Variants in SLIT2 observed in about 807,000 individuals in gnomAD.
The protein encoded by SLIT2 is slit homolog 2 protein.
A neutral mutation model predicts 185.7 loss-of-function variants in SLIT2; 41 were observed. That is an observed-to-expected ratio of 0.22 (90% CI 0.17 to 0.29). The LOEUF (loss-of-function observed/expected upper bound fraction) is 0.29, where lower values mean the gene tolerates loss of function less well. SLIT2 is among the 10% of genes least tolerant of loss of function. The pLI, the probability that SLIT2 is intolerant of heterozygous loss-of-function variation, is 1.00. For missense variants in SLIT2, 1,571 were observed against 1,909.0 expected, an observed-to-expected ratio of 0.82 and a Z score of 3.30; for synonymous variants, 693 against 680.2, an observed-to-expected ratio of 1.02 and a Z score of -0.29.
At chr4:20,520,985 T>TA (rs1720789992) in intron 12 of SLIT2, among the ~76,000 whole-genome samples, 1 of 152,204 alleles carries the variant, frequency 6.6e-6, no homozygotes, top group Non-Finnish European at 1.5e-5. Context: ...TAGATGTCTG[T>TA]ACCCATTGTA....
intron 4 of SLIT2, among the ~76,000 whole-genome samples, chr4:20,362,362 A>T (rs1722807020): frequency 1.3e-5 from 2 of 152,104 alleles, no homozygotes; most frequent in Admixed American, 1.3e-4. Context: ...CCTGACAAGG[A>T]TACCTCGGAA....
intron 4 of SLIT2, among the ~76,000 whole-genome samples, chr4:20,311,637 A>G (rs1479189736): frequency 2.0e-5 from 3 of 152,204 alleles, no homozygotes; most frequent in Non-Finnish European, 4.4e-5. Context: ...TTTTAGAGTT[A>G]TAGAAAATAG....
chr4:20,279,040 A>G (rs1714470208), intron 4 of SLIT2, among the ~76,000 whole-genome samples: 1 of 152,208 alleles, frequency 6.6e-6, no homozygotes, highest in African/African-American at 2.4e-5. Flanking sequence ...CTCAGAAACT[A>G]AAAAGAAATA....
At chr4:20,278,699 A>G (rs1356134102) in intron 4 of SLIT2, among the ~76,000 whole-genome samples, 1 of 152,038 alleles carries the variant, frequency 6.6e-6, no homozygotes. Context: ...AGACAAGAGA[A>G]AGAGAGGAGT....
At chr4:20,552,581 A>T (rs1300802803) in intron 25 of SLIT2, 4 of 152,106 alleles carry the variant, frequency 2.6e-5, no homozygotes, top group Non-Finnish European at 4.4e-5. Flanking sequence ...ATGACTAAAA[A>T]ACATCATTTT....
At chr4:20,601,695 T>A (rs1728423968) in intron 33 of SLIT2, among the ~76,000 whole-genome samples, 1 of 152,198 alleles carries the variant, frequency 6.6e-6, no homozygotes, top group Non-Finnish European at 1.5e-5. Flanking sequence ...GTAAAATCTT[T>A]GATGAAAGAT....
intron 4 of SLIT2, among the ~76,000 whole-genome samples, chr4:20,318,229 T>C (rs1271829513): frequency 1.3e-5 from 2 of 152,194 alleles, no homozygotes; most frequent in Non-Finnish European, 2.9e-5. Flanking sequence ...ATGTGAATTT[T>C]TAAACAATCA....
At chr4:20,363,312 T>C (rs1470598961) in intron 4 of SLIT2, among the ~76,000 whole-genome samples, 1 of 152,098 alleles carries the variant, frequency 6.6e-6, no homozygotes, top group African/African-American at 2.4e-5. Flanking sequence ...GAAAACAAAA[T>C]ACAAAAAAGA....
chr4:20,394,311 ATG>A (rs1194740163), intron 4 of SLIT2, among the ~76,000 whole-genome samples: 2 of 152,100 alleles, frequency 1.3e-5, no homozygotes, highest in African/African-American at 2.4e-5. Flanking sequence ...GTTTAAAAAA[ATG>A]TGTCTCTCAG....
At chr4:20,603,489 T>C (rs1430014729) in intron 33 of SLIT2, among the ~76,000 whole-genome samples, 2 of 152,244 alleles carry the variant, frequency 1.3e-5, no homozygotes, top group African/African-American at 4.8e-5. Context: ...TAATCTGCTC[T>C]TTCAAAGTGA....
At chr4:20,507,351 G>A (rs1577809949) in intron 9 of SLIT2, among the ~76,000 whole-genome samples, 1 of 151,776 alleles carries the variant, frequency 6.6e-6, no homozygotes, top group Admixed American at 6.6e-5. Flanking sequence ...GAGTATTCTA[G>A]TTTGAGACTT....
At chr4:20,363,636 A>G (rs1722901889) in intron 4 of SLIT2, among the ~76,000 whole-genome samples, 1 of 152,110 alleles carries the variant, frequency 6.6e-6, no homozygotes, top group Non-Finnish European at 1.5e-5. Context: ...AATTCCAGGA[A>G]GACACCCTTC....
chr4:20,322,633 G>A (rs998419524), intron 4 of SLIT2, among the ~76,000 whole-genome samples: 4 of 151,892 alleles, frequency 2.6e-5, no homozygotes, highest in African/African-American at 9.7e-5. Context: ...AAATCCTATA[G>A]TATTTATACA....
chr4:20,552,697 A>G (rs1311400293), intron 25 of SLIT2: 1 of 152,204 alleles, frequency 6.6e-6, no homozygotes, highest in Non-Finnish European at 1.5e-5. Flanking sequence ...AGTATCGAGT[A>G]TTATGATTCT....
chr4:20,414,773 G>A lies in SLIT2; in HGVS notation c.396-52979G>A, dbSNP rs530136801. 5.6e-4 allele frequency among the ~76,000 whole-genome samples: 85 copies of A among 152,198 alleles called. No individual in the cohort carries two copies. In the South Asian group the frequency reaches 0.014, roughly 26 times the overall value. On this transcript the variant is annotated intron_variant, in intron 4 of 36. Transcript: ENST00000504154. ...GAAGATCCCTTGTGAATGATGGTCCGCTTTTTTCTTACTGCTTTCAAGAGC... is the reference window on the plus strand; with the variant it reads ...GAAGATCCCTTGTGAATGATGGTCCACTTTTTTCTTACTGCTTTCAAGAGC...
chr4:20,314,667 C>T (rs2109144055), intron 4 of SLIT2, among the ~76,000 whole-genome samples: 1 of 152,014 alleles, frequency 6.6e-6, no homozygotes, highest in South Asian at 2.1e-4. Flanking sequence ...AAAAATAGGA[C>T]AGGATAAAAG....
chr4:20,441,519 G>GTCTCTCTCTC (rs376556054), intron 4 of SLIT2, among the ~76,000 whole-genome samples: 5 of 107,996 alleles, frequency 4.6e-5, no homozygotes, highest in Non-Finnish European at 7.2e-5. Context: ...CCCCACTTCT[G>GTCTCTCTCTC]TCTCTCTCTC....
Position 20,383,511 on chromosome 4 carries a change from G to A in SLIT2, c.396-84241G>A, listed in dbSNP as rs563438123. Among the ~76,000 whole-genome samples, 27 of 152,198 alleles carry A rather than the reference G, an allele frequency of 1.8e-4. 1 individual carries two copies. Among genetic ancestry groups the A allele is most frequent in the African/African-American group, 6.5e-4 (27 of 41,540 alleles). On this transcript the variant is annotated intron_variant, in intron 4 of 36. Transcript: ENST00000504154. ...GGAAAATGAAAGTTACAAATGCAAT[G>A]ATATACCACTAAGCACACACTTGAA...
chr4:20,391,188 T>A (rs1477893628), intron 4 of SLIT2, among the ~76,000 whole-genome samples: 2 of 152,112 alleles, frequency 1.3e-5, no homozygotes, highest in African/African-American at 4.8e-5. Context: ...TGTTGCAGAA[T>A]AATGTATATG....
Sources: gnomAD v4.1 joint callset for allele counts (sites outside exome capture counted in the v4.1 genomes callset) on GRCh38, gnomAD v4.1.1 for gene constraint, MANE v1.5 for transcripts, NCBI Gene and HGNC (gene_info 2026-07-23, HGNC 2026-07-21) for gene names.